The following PRICKLE2 variants were observed in gnomAD, a reference collection of about 807,000 sequenced individuals.
The protein encoded by PRICKLE2 is prickle planar cell polarity protein 2, also known as prickle-like protein 2.
PRICKLE2 carries 21 observed loss-of-function variants against 81.4 expected under a neutral mutation model. The observed-to-expected ratio is 0.26, with a 90% CI of 0.18 to 0.37. The LOEUF is 0.37. PRICKLE2 is among the 10% of genes least tolerant of loss of function. PRICKLE2 has a pLI of 1.00. For missense variants in PRICKLE2, 940 were observed against 1,109.0 expected (o/e 0.85, Z 2.16); for synonymous variants, 456 against 421.5 (o/e 1.08, Z -1.00).
intron 7 of PRICKLE2, among the ~76,000 whole-genome samples, chr3:64,137,785 C>T (rs2077299896): frequency 1.3e-5 from 2 of 152,134 alleles, no homozygotes; most frequent in Admixed American, 6.5e-5. Context: ...TTTCATCTGG[C>T]CCCTGGTCTG....
At chr3:64,177,185 G>C (rs1188617128) in intron 2 of PRICKLE2, among the ~76,000 whole-genome samples, 1 of 119,142 alleles carries the variant, frequency 8.4e-6, no homozygotes, top group Non-Finnish European at 1.6e-5. Flanking sequence ...GCCCAGGCTG[G>C]AATGCAATGG....
chr3:64,158,196 T>C (rs2077669578), intron 4 of PRICKLE2, among the ~76,000 whole-genome samples: 1 of 152,204 alleles, frequency 6.6e-6, no homozygotes, highest in African/African-American at 2.4e-5. Context: ...TGAGTATAGT[T>C]CTAGGGTCAT....
chr3:64,249,881 A>G (rs1384299214), intron 2 of PRICKLE2, among the ~76,000 whole-genome samples: 2 of 152,242 alleles, frequency 1.3e-5, no homozygotes, highest in Non-Finnish European at 2.9e-5. Context: ...GAGAGCATGC[A>G]TTGTGTAGCA....
At chr3:64,148,902 C>T (rs757275619) in intron 6 of PRICKLE2, among the ~76,000 whole-genome samples, 2 of 152,198 alleles carry the variant, frequency 1.3e-5, no homozygotes, top group African/African-American at 2.4e-5. Context: ...TGTGCTATTC[C>T]GTTAAAGCAG....
intron 7 of PRICKLE2, chr3:64,103,342 C>T (rs1268929300): frequency 6.6e-6 from 1 of 152,110 alleles, no homozygotes; most frequent in Non-Finnish European, 1.5e-5. Context: ...CAGAAGAAAC[C>T]CTGATAAAAT....
chr3:64,135,742 A>G (rs532674479), intron 7 of PRICKLE2, among the ~76,000 whole-genome samples: 5 of 152,280 alleles, frequency 3.3e-5, no homozygotes, highest in Non-Finnish European at 4.4e-5. Flanking sequence ...ACCTGCGTGC[A>G]CACACACAGA....
chr3:64,114,717 G>A (rs1240728711), intron 7 of PRICKLE2, among the ~76,000 whole-genome samples: 1 of 151,934 alleles, frequency 6.6e-6, no homozygotes, highest in African/African-American at 2.4e-5. Flanking sequence ...GAGAAATATG[G>A]GATTATGTAA....
chr3:64,115,474 C>G (rs1250394075), intron 7 of PRICKLE2, among the ~76,000 whole-genome samples: 1 of 152,080 alleles, frequency 6.6e-6, no homozygotes, highest in Admixed American at 6.5e-5. Flanking sequence ...TGCAGACACA[C>G]ACAGGCTCAA....
At chr3:64,238,271 C>T (rs114877399) in intron 2 of PRICKLE2, among the ~76,000 whole-genome samples, 8,125 of 151,956 alleles carry the variant, frequency 0.053, 699 homozygotes, top group African/African-American at 0.18. Flanking sequence ...CAGGTACGAA[C>T]GAGGTCAAGA....
chr3:64,150,106 AGACCCTTGG>A (rs2077521281), intron 6 of PRICKLE2, among the ~76,000 whole-genome samples: 2 of 150,064 alleles, frequency 1.3e-5, no homozygotes, highest in African/African-American at 4.9e-5. Flanking sequence ...CTTCCTCCCC[AGACCCTTGG>A]GAGAAAGCTG....
chr3:64,145,710 G>A (rs974031273), intron 7 of PRICKLE2: 1 of 151,974 alleles, frequency 6.6e-6, no homozygotes, highest in Non-Finnish European at 1.5e-5. Flanking sequence ...AACAGGTTCA[G>A]AACAGTCTCA....
rs1195540347 is a variant in PRICKLE2, at chr3:64,147,739, T to C, written c.788-37A>G. 2.5e-6 allele frequency: 4 copies of C among 1,611,770 alleles called. No individual in the cohort carries two copies. In the South Asian group the frequency reaches 3.3e-5, roughly 13 times the overall value. On this transcript the variant is annotated intron_variant, in intron 6 of 7. Coordinates refer to ENST00000638394, the MANE Select transcript of PRICKLE2 (RefSeq NM_198859.4). This position sits in a 1 kb window ranked among gnomAD's most constrained non-coding sequence, Gnocchi z 5.0. ...AGAGACATTGGAGAGGCTGATGAGC[T>C]GCTCAGAGCTCTGCACTGGGACGTG...
At chr3:64,206,425 C>A (rs1475993236) in intron 1 of PRICKLE2, among the ~76,000 whole-genome samples, 4 of 152,226 alleles carry the variant, frequency 2.6e-5, no homozygotes, top group Non-Finnish European at 5.9e-5. Flanking sequence ...TCTATGCCAG[C>A]CCTTCCTTGC....
At chr3:64,256,834 C>T (rs2079531062) in intron 2 of PRICKLE2, among the ~76,000 whole-genome samples, 1 of 152,144 alleles carries the variant, frequency 6.6e-6, no homozygotes, top group Non-Finnish European at 1.5e-5. Flanking sequence ...GCACTGTCTC[C>T]CATGTCTCCC....
chr3:64,218,255 T>C (rs2078902762), intron 1 of PRICKLE2, among the ~76,000 whole-genome samples: 1 of 152,214 alleles, frequency 6.6e-6, no homozygotes, highest in African/African-American at 2.4e-5. Context: ...TTTACCTTAA[T>C]TTATATAAAT....
At chr3:64,256,113 C>T (rs531516787) in intron 2 of PRICKLE2, among the ~76,000 whole-genome samples, 1 of 152,312 alleles carries the variant, frequency 6.6e-6, no homozygotes. Flanking sequence ...GAGGTTTTCA[C>T]TGTTCTGTGC....
At position 64,171,478 on chromosome 3, in the gene PRICKLE2, T is replaced by C. The variant is rs1341048095; in HGVS notation, c.145-8349A>G. 1.3e-5 allele frequency among the ~76,000 whole-genome samples: 2 copies of C among 152,212 alleles called. 1 individual carries two copies. The highest frequency in any genetic ancestry group is 3.8e-4 in the East Asian group (2 of 5,196). ...AAACTGATAAACTCTTCATCTGCTTTTTGTCAAAGAACTTATCAGTTGTTG... is the reference window on the plus strand; with the variant it reads ...AAACTGATAAACTCTTCATCTGCTTCTTGTCAAAGAACTTATCAGTTGTTG... On this transcript the variant is annotated intron_variant, in intron 2 of 7. Coordinates refer to ENST00000638394, the MANE Select transcript of PRICKLE2 (RefSeq NM_198859.4).
intron 2 of PRICKLE2, among the ~76,000 whole-genome samples, chr3:64,192,598 C>T (rs1202943355): frequency 6.6e-6 from 1 of 152,164 alleles, no homozygotes; most frequent in Non-Finnish European, 1.5e-5. Context: ...AGATATTTTA[C>T]AGCTTTACAA....
At chr3:64,190,923 G>A (rs2078321234) in intron 2 of PRICKLE2, among the ~76,000 whole-genome samples, 1 of 152,208 alleles carries the variant, frequency 6.6e-6, no homozygotes, top group Non-Finnish European at 1.5e-5. Context: ...CACCAAGGAA[G>A]GTGGGTGGCA....
Sources: gnomAD v4.1 joint callset for allele counts (sites outside exome capture counted in the v4.1 genomes callset) on GRCh38, gnomAD v4.1.1 for gene constraint, Gnocchi (gnomAD v3.1) non-coding constraint, MANE v1.5 for transcripts, NCBI Gene and HGNC (gene_info 2026-07-23, HGNC 2026-07-21) for gene names.